SLC26A1: variants seen among roughly 807,000 people sequenced by gnomAD.
SLC26A1 encodes solute carrier family 26 member 1.
A neutral mutation model predicts 14.5 loss-of-function variants in SLC26A1; 18 were observed. The observed-to-expected ratio is 1.24, with a 90% CI of 0.86 to 1.84. The LOEUF (loss-of-function observed/expected upper bound fraction) is 1.84. Ranked by LOEUF, SLC26A1 falls within the 40% of genes most tolerant of loss-of-function variation. The probability of loss-of-function intolerance (pLI) is 0.00; values close to 1 mark genes in which losing one functional copy is unlikely to be tolerated. For synonymous variants in SLC26A1, 505 were observed against 492.0 expected (o/e 1.03, Z -0.35); for missense variants, 1,049 against 1,020.0 (o/e 1.03, Z -0.39).
downstream of SLC26A1, among the ~76,000 whole-genome samples, chr4:983,268 CCTCCTGT>C (rs1166737424): frequency 3.9e-5 from 6 of 152,254 alleles, no homozygotes; most frequent in African/African-American, 7.2e-5. Context: ...CCTTCTCCTG[CCTCCTGT>C]CTCTGGCCCC....
chr4:980,373 G>A (rs1231410580), intron 2 of SLC26A1, among the ~76,000 whole-genome samples: 2 of 152,164 alleles, frequency 1.3e-5, no homozygotes. Context: ...ATCACCTGAG[G>A]TCAAGAGATC....
downstream of SLC26A1, chr4:987,339 C>T (rs924032841): frequency 1.7e-6 from 2 of 1,203,974 alleles, no homozygotes; most frequent in Admixed American, 4.6e-5. Flanking sequence ...ACCGGAGCTC[C>T]CTCCTCTGGG....
Position 991,109 on chromosome 4 carries a change from C to A in SLC26A1, c.576+19G>T. On this transcript the variant is annotated intron_variant, in intron 2 of 2. Transcript: ENST00000398516. ...GGGGTGCCCTGGGCCCCTCCCTGTG[C>A]CCAAGCAGGGCTCCTCACCTGGTAA... The A allele has an allele frequency of 6.6e-7, 1 of 1,521,300 alleles. No individual in the cohort carries two copies. Among genetic ancestry groups the A allele is most frequent in the Non-Finnish European group, 8.8e-7 (1 of 1,134,520 alleles). The allele number at this position is 1,521,300 out of a possible 1,614,324, so 94.2% of individuals were successfully genotyped here. A position where few individuals can be genotyped will look rare whatever the true frequency, so the allele number is the denominator to read the frequency against.
At position 991,548 on chromosome 4, in the gene SLC26A1, G is replaced by A; in HGVS notation, c.156C>T (p.Asp52=). Reference sequence around the variant, plus strand: ...GCAGCCAGCGCGTGGCGGGGAGCAGGTCCTGCACCAGCGCCCGGACGCACA... The same window carrying A: ...GCAGCCAGCGCGTGGCGGGGAGCAGATCCTGCACCAGCGCCCGGACGCACA... The part of the protein sequence containing the change: ...SVLCVRALVQ[D]LLPATRWLRQ... The change falls in exon 2 of 3, where the codon GAC becomes GAT. Residue 52 remains aspartate, a synonymous_variant. Coordinates refer to ENST00000398516, the MANE Select transcript of SLC26A1 (RefSeq NM_022042.4). The A allele has an allele frequency of 6.2e-7, 1 of 1,605,994 alleles. No individual in the cohort carries two copies. The highest frequency in any genetic ancestry group is 8.5e-7 in the Non-Finnish European group (1 of 1,177,084).
chr4:979,454 C>G (rs1713473047), exon 3 of SLC26A1: 2 of 1,613,002 alleles, frequency 1.2e-6, no homozygotes, highest in South Asian at 2.2e-5. Flanking sequence ...AGTCACTCCT[C>G]TGTGTTAATT....
At chr4:991,784 G>C in intron 1 of SLC26A1, 54 bp from the exon 2 acceptor site, 2 of 1,528,830 alleles carry the variant, frequency 1.3e-6, no homozygotes, top group East Asian at 4.9e-5. Context: ...AGGGCCAAAC[G>C]ACAAGGTCCC....
chr4:986,736 G>A (rs1485869138), downstream of SLC26A1: 1 of 468,924 alleles, frequency 2.1e-6, no homozygotes, highest in Non-Finnish European at 4.3e-6. Context: ...CAGCCTGGGC[G>A]ACAAAGCAAG....
chr4:988,896 G>T lies in SLC26A1; in HGVS notation c.2043C>A (p.His681Gln). The T allele has an allele frequency of 6.2e-7, 1 of 1,604,256 alleles. No individual in the cohort carries two copies. The highest frequency in any genetic ancestry group is 1.7e-5 in the Admixed American group (1 of 58,954). The change falls in exon 3 of 3, where the codon CAC becomes CAA. Residue 681 changes from histidine (H) to glutamine (Q), a missense_variant. Physicochemically the swap from His to Gln is conservative, Grantham distance 24 (BLOSUM62 0). Coordinates refer to ENST00000398516, the MANE Select transcript of SLC26A1 (RefSeq NM_022042.4). ...GGGCTCGTGCTGTCTGCACGGCATCGTGCACACTGAGGAACAGCTGCTCCT... is the reference window on the plus strand; with the variant it reads ...GGGCTCGTGCTGTCTGCACGGCATCTTGCACACTGAGGAACAGCTGCTCCT... ...AEEEQLFLSV[H>Q]DAVQTARARH...
intron 2 of SLC26A1, 70 bp downstream of exon 2, chr4:991,058 C>G (rs1714257477): frequency 2.1e-6 from 3 of 1,437,504 alleles, no homozygotes; most frequent in Non-Finnish European, 2.8e-6. Flanking sequence ...CCAGCCTTGC[C>G]CTCGTGGATG....
downstream of SLC26A1, chr4:987,129 C>T: frequency 6.9e-7 from 1 of 1,439,158 alleles, no homozygotes; most frequent in Non-Finnish European, 9.1e-7. Context: ...CGCTCCTGGC[C>T]TCGCTCCTGG....
In SLC26A1 at chr4:989,710, CA is replaced by C; in HGVS notation, c.1228del (p.Cys410AlafsTer57). 4 of 1,558,946 alleles carry C rather than the reference CA, an allele frequency of 2.6e-6. No individual in the cohort carries two copies. The highest frequency in any genetic ancestry group is 3.5e-6 in the Non-Finnish European group (4 of 1,152,112). ...AKSLVKTATG[C>X]RTQLSSVVSA... ...GACCACGCTGGACAGCTGTGTCCGG[CA>C]GCCAGTGGCTGTCTTCACCAGGCTC... On this transcript the variant is annotated frameshift_variant, in exon 3 of 3. Coordinates refer to ENST00000398516, the MANE Select transcript of SLC26A1 (RefSeq NM_022042.4). LOFTEE classifies it low-confidence loss of function (END_TRUNC).
At position 990,303 on chromosome 4, in the gene SLC26A1, G is replaced by A. The variant is rs1247616681; in HGVS notation, c.636C>T (p.Leu212=). The stretch of plus-strand genomic sequence containing the variant: ...CGGAGGCCCCCATGGCAAAGCCATC[G>A]AGCAGTGGCTGTGAGAGGTAGGCGG... The part of the protein sequence containing the change: ...FVSAYLSQPL[L]DGFAMGASVT... The change falls in exon 3 of 3, where the codon CTC becomes CTT. Residue 212 remains leucine, a synonymous_variant. Coordinates refer to ENST00000398516, the MANE Select transcript of SLC26A1 (RefSeq NM_022042.4). 5 of 1,604,954 alleles carry A rather than the reference G, an allele frequency of 3.1e-6. No individual in the cohort carries two copies. Among genetic ancestry groups the A allele is most frequent in the Admixed American group, 3.4e-5 (2 of 58,694 alleles).
chr4:979,013 T>A (rs1179249823), downstream of SLC26A1: 1 of 158,504 alleles, frequency 6.3e-6, no homozygotes, highest in Non-Finnish European at 1.4e-5. Flanking sequence ...CGAGATTTTT[T>A]ATTCATAACA....
At chr4:986,991 G>T (rs1713764718), downstream of SLC26A1, 6 of 1,219,014 alleles carry the variant, frequency 4.9e-6, no homozygotes, top group Non-Finnish European at 6.8e-6. Flanking sequence ...CCGCCCCGCG[G>T]CGGCGGTCAC....
rs1343464853 is a variant in SLC26A1, at chr4:990,131, A to G, written c.808T>C (p.Cys270Arg). ...NVCDVVTSTV[C>R]LAVLLAAKEL... The stretch of plus-strand genomic sequence containing the variant: ...TTCGCGGCTAGCAGCACCGCCAGGC[A>G]CACCGTGCTGGTGACCACGTCGCAC... The change falls in exon 3 of 3, where the codon TGC becomes CGC. Residue 270 changes from cysteine to arginine, a missense_variant. Physicochemically the swap from Cys to Arg is radical, Grantham distance 180. Coordinates refer to ENST00000398516, the MANE Select transcript of SLC26A1 (RefSeq NM_022042.4). 2.5e-6 allele frequency: 4 copies of G among 1,574,156 alleles called. No homozygotes were observed. In the African/African-American group the frequency reaches 4.0e-5, roughly 16 times the overall value.
chr4:982,062 G>A (rs1329934344), intron 2 of SLC26A1, among the ~76,000 whole-genome samples: 4 of 151,754 alleles, frequency 2.6e-5, no homozygotes, highest in African/African-American at 7.3e-5. Flanking sequence ...CTCATGATCC[G>A]CCCGTCTCGG....
intron 2 of SLC26A1, chr4:990,919 C>T: frequency 1.8e-6 from 1 of 554,866 alleles, no homozygotes; most frequent in Non-Finnish European, 3.1e-6. Context: ...GCTCCCCGTG[C>T]CCCTCCCCTC....
In SLC26A1 at chr4:989,635, T is replaced by C; in HGVS notation, c.1304A>G (p.His435Arg). 1.3e-6 allele frequency: 2 copies of C among 1,597,590 alleles called. No homozygotes were observed. The highest frequency in any genetic ancestry group is 1.7e-6 in the Non-Finnish European group (2 of 1,173,556). Residue 435 changes from histidine (H) to arginine (R), a missense_variant, in exon 3 of 3, where the codon CAC (histidine) becomes CGC (arginine). By Grantham distance (29) the His-to-Arg change is conservative. Transcript: ENST00000398516. ...LVLLALAPLF[H>R]DLQRSVLACV... ...GGCCAGCACGCTTCGCTGTAGGTCG[T>C]GGAACAGCGGTGCCAGCGCCAGCAG...
At position 989,018 on chromosome 4, in the gene SLC26A1, C is replaced by T. The variant is rs746260278; in HGVS notation, c.1921G>A (p.Gly641Ser). ...QDLRRDYGAL[G>S]ISLLLACCSP... ...CAGCAGGCTAGCAGCAGGCTGATGC[C>T]CAGGGCCCCGTAGTCTCGGCGCAGG... Residue 641 changes from glycine to serine, a missense_variant, in exon 3 of 3, where the codon GGC (glycine) becomes AGC (serine). By Grantham distance (56) the Gly-to-Ser change is moderately conservative. Coordinates refer to ENST00000398516, the MANE Select transcript of SLC26A1 (RefSeq NM_022042.4). 15 of 1,587,044 alleles carry T rather than the reference C, an allele frequency of 9.5e-6. No individual in the cohort carries two copies. Among genetic ancestry groups the T allele is most frequent in the African/African-American group, 1.3e-5 (1 of 74,220 alleles).
Sources: allele counts gnomAD v4.1 joint callset (sites outside exome capture counted in the v4.1 genomes callset), GRCh38; gene constraint gnomAD v4.1.1; transcripts MANE v1.5; gene names NCBI Gene and HGNC (gene_info 2026-07-23, HGNC 2026-07-21).